KIAA0586: variants seen among roughly 807,000 people sequenced by gnomAD.
KIAA0586 encodes the protein protein TALPID3.
In KIAA0586, 144 loss-of-function variants were observed where a neutral mutation model predicts 169.8. That is an observed-to-expected ratio of 0.85 (90% CI 0.74 to 0.97). The LOEUF (loss-of-function observed/expected upper bound fraction) is 0.97. Ranked by LOEUF, KIAA0586 falls within the 50% of genes least tolerant of loss-of-function variation. The pLI, the probability that KIAA0586 is intolerant of heterozygous loss-of-function variation, is 0.00. For synonymous variants in KIAA0586, 625 were observed against 612.4 expected, an observed-to-expected ratio of 1.02 and a Z score of -0.30; for missense variants, 1,854 against 1,823.0, an observed-to-expected ratio of 1.02 and a Z score of -0.31.
chr14:58,476,488 G>T (rs2041634600), intron 19 of KIAA0586, among the ~76,000 whole-genome samples: 3 of 152,114 alleles, frequency 2.0e-5, no homozygotes, highest in African/African-American at 7.2e-5. Flanking sequence ...TGCACTCAGA[G>T]TGGAAATCAA....
rs2047123719 is a variant in KIAA0586 at position 58,548,665 on chromosome 14, A to C, written c.*733A>C. On this transcript the variant is annotated 3_prime_UTR_variant, in exon 31 of 31. Transcript: ENST00000652326. Reference sequence around the variant, plus strand: ...GATAATCGTGGTTACTATGTATTTGAACTTCAGTTGTGATAGAAAAAAATC... The same window carrying C: ...GATAATCGTGGTTACTATGTATTTGCACTTCAGTTGTGATAGAAAAAAATC... The C allele has an allele frequency of 6.6e-6, 1 of 152,180 alleles. No homozygotes were observed. Among genetic ancestry groups the C allele is most frequent in the South Asian group, 2.1e-4 (1 of 4,830 alleles). The allele number at this position is 152,180 out of a possible 1,614,324, so 9.4% of individuals were successfully genotyped here.
chr14:58,460,220 G>C (rs1402915394), intron 13 of KIAA0586, 150 bp downstream of exon 13: 1 of 562,058 alleles, frequency 1.8e-6, no homozygotes, highest in Non-Finnish European at 3.1e-6. Context: ...TGATACTTAG[G>C]GTTTTGGATT....
chr14:58,444,874 CAAGAT>C (rs1209514930), intron 6 of KIAA0586, among the ~76,000 whole-genome samples: 1 of 128,550 alleles, frequency 7.8e-6, no homozygotes. Context: ...GCCGAGAGTT[CAAGAT>C]AAGCCTGGTT....
chr14:58,433,814 G>C (rs939482477), intron 4 of KIAA0586, among the ~76,000 whole-genome samples: 1 of 152,132 alleles, frequency 6.6e-6, no homozygotes, highest in Non-Finnish European at 1.5e-5. Flanking sequence ...CCAAGAGTTT[G>C]AGACCAGTCT....
intron 14 of KIAA0586, among the ~76,000 whole-genome samples, chr14:58,462,897 C>G (rs908881486): frequency 6.6e-5 from 10 of 152,142 alleles, no homozygotes; most frequent in African/African-American, 9.7e-5. Flanking sequence ...AGCATCAGAT[C>G]TCATGAGAAC....
At chr14:58,489,488 G>A (rs1278619716) in intron 24 of KIAA0586, among the ~76,000 whole-genome samples, 1 of 151,842 alleles carries the variant, frequency 6.6e-6, no homozygotes, top group Non-Finnish European at 1.5e-5. Context: ...CCAAAGGGCT[G>A]GGATTATAGG....
rs1200934389 is a variant in KIAA0586 at position 58,465,894 on chromosome 14, A to G, written c.2119A>G (p.Met707Val). The change falls in exon 15 of 31, where the codon ATG becomes GTG. Residue 707 changes from methionine (M) to valine (V), a missense_variant. Transcript: ENST00000652326. ...CTTCTATGCAACAAAACCTAAGAAG[A>G]TGGATTCTAAAATGAAACATTCTGT... Reference protein sequence around the residue: ...TDFYATKPKKMDSKMKHSVPV... With the variant: ...TDFYATKPKKVDSKMKHSVPV... 73 of 1,613,048 alleles carry G rather than the reference A, an allele frequency of 4.5e-5. No homozygotes were observed. The highest frequency in any genetic ancestry group is 6.0e-5 in the Non-Finnish European group (71 of 1,179,334).
At chr14:58,526,707 T>C in intron 29 of KIAA0586, among the ~76,000 whole-genome samples, 1 of 152,108 alleles carries the variant, frequency 6.6e-6, no homozygotes, top group East Asian at 1.9e-4. Context: ...AGAATGAATT[T>C]GATGAATTGA....
intron 26 of KIAA0586, among the ~76,000 whole-genome samples, chr14:58,497,520 T>G (rs1364303098): frequency 6.6e-6 from 1 of 150,942 alleles, no homozygotes; most frequent in Non-Finnish European, 1.5e-5. Flanking sequence ...CCACCACGCC[T>G]GGCTAATTTT....
At chr14:58,543,279 T>C (rs61974558) in intron 30 of KIAA0586, among the ~76,000 whole-genome samples, 11,423 of 152,270 alleles carry the variant, frequency 0.075, 553 homozygotes, top group Middle Eastern at 0.16. Context: ...TATTTTTCTT[T>C]ATAGTACTTA....
chr14:58,499,813 C>A (rs2141322182), intron 27 of KIAA0586, among the ~76,000 whole-genome samples: 1 of 152,288 alleles, frequency 6.6e-6, no homozygotes, highest in East Asian at 1.9e-4. Context: ...CCCACCTTGG[C>A]CTCCCAAAGT....
chr14:58,432,402 A>G lies in KIAA0586; in HGVS notation c.355A>G (p.Ile119Val). Residue 119 changes from isoleucine to valine, a missense_variant, in exon 4 of 31, where the codon ATT becomes GTT. Transcript: ENST00000652326. ...TGATTTTGCAGCAAATGACATCTTC[A>G]TTTCTCAGTATACAATGGGACAGAA... is the stretch of plus-strand genomic sequence containing the variant. Reference protein sequence around the residue: ...NNKQKANDIFISQYTMGQKDA... With the variant: ...NNKQKANDIFVSQYTMGQKDA... 1 of 1,551,928 alleles carries G rather than the reference A, an allele frequency of 6.4e-7. No individual in the cohort carries two copies. Among genetic ancestry groups the G allele is most frequent in the Non-Finnish European group, 8.7e-7 (1 of 1,149,912 alleles).
chr14:58,489,524 A>G (rs963325148), intron 24 of KIAA0586, among the ~76,000 whole-genome samples: 1 of 151,458 alleles, frequency 6.6e-6, no homozygotes, highest in African/African-American at 2.4e-5. Flanking sequence ...CCAGCCTGAA[A>G]CCTGAATTTT....
chr14:58,477,415 T>G (rs1383685952), intron 20 of KIAA0586, among the ~76,000 whole-genome samples, 174 bp downstream of exon 20: 1 of 152,176 alleles, frequency 6.6e-6, no homozygotes, highest in African/African-American at 2.4e-5. Context: ...CCCTCTTATT[T>G]CATATTGCAG....
rs1029269817 is a variant in KIAA0586 at position 58,444,131 on chromosome 14, A to G, written c.763A>G (p.Ile255Val). 4.3e-6 allele frequency: 7 copies of G among 1,613,730 alleles called. No individual in the cohort carries two copies. Among genetic ancestry groups the G allele is most frequent in the South Asian group, 3.3e-5 (3 of 91,030 alleles). ...AATGAATGTGTTTATGGAGCAGCACATAAGGCATCTTGAAAAGTTACAACA... is the reference window on the plus strand; with the variant it reads ...AATGAATGTGTTTATGGAGCAGCACGTAAGGCATCTTGAAAAGTTACAACA... ...KQMNVFMEQH[I>V]RHLEKLQQQQ... The change falls in exon 6 of 31, where the codon ATA becomes GTA. Residue 255 changes from isoleucine (I) to valine (V), a missense_variant. By Grantham distance (29) the Ile-to-Val change is conservative (BLOSUM62 3). Coordinates refer to ENST00000652326, the MANE Select transcript of KIAA0586 (RefSeq NM_001329943.3).
At chr14:58,537,567 G>T (rs1306855871) in intron 29 of KIAA0586, among the ~76,000 whole-genome samples, 3 of 152,156 alleles carry the variant, frequency 2.0e-5, no homozygotes, top group African/African-American at 7.2e-5. Context: ...AATAATTTCT[G>T]TCCCTCTCTA....
At position 58,547,948 on chromosome 14, in the gene KIAA0586, C is replaced by T; in HGVS notation, c.*16C>T. The T allele has an allele frequency of 6.2e-7, 1 of 1,612,780 alleles. No individual in the cohort carries two copies. The highest frequency in any genetic ancestry group is 8.5e-7 in the Non-Finnish European group (1 of 1,179,280). Reference sequence around the variant, plus strand: ...TACCTTCTGAACGGGAAGAGACAGCCAGCACAGTGTTTATGCCACTGGTTT... The same window carrying T: ...TACCTTCTGAACGGGAAGAGACAGCTAGCACAGTGTTTATGCCACTGGTTT... On this transcript the variant is annotated 3_prime_UTR_variant, in exon 31 of 31. Coordinates refer to ENST00000652326, the MANE Select transcript of KIAA0586 (RefSeq NM_001329943.3).
At chr14:58,458,738 T>C (rs2040079134) in intron 12 of KIAA0586, among the ~76,000 whole-genome samples, 193 bp downstream of exon 12, 1 of 152,212 alleles carries the variant, frequency 6.6e-6, no homozygotes, top group Non-Finnish European at 1.5e-5. Flanking sequence ...TCTCCACTTA[T>C]ATTCTGGCTC....
intron 28 of KIAA0586, among the ~76,000 whole-genome samples, chr14:58,511,823 G>T (rs985929933): frequency 6.6e-6 from 1 of 152,096 alleles, no homozygotes; most frequent in Non-Finnish European, 1.5e-5. Context: ...TATTGATAAG[G>T]GTCCAGGGAT....
Sources: gnomAD v4.1 joint callset for allele counts (sites outside exome capture counted in the v4.1 genomes callset) on GRCh38, gnomAD v4.1.1 for gene constraint, MANE v1.5 for transcripts, NCBI Gene and HGNC (gene_info 2026-07-23, HGNC 2026-07-21) for gene names.